The following WWOX variants were observed in gnomAD, a reference collection of about 807,000 sequenced individuals.
The protein encoded by WWOX is WW domain-containing oxidoreductase.
In WWOX, 69 loss-of-function variants were observed where a neutral mutation model predicts 46.2. The ratio of observed to expected loss-of-function variants is 1.49; its 90% confidence interval spans 1.23 to 1.82. The LOEUF (loss-of-function observed/expected upper bound fraction) is 1.82, where lower values mean the gene tolerates loss of function less well. WWOX is among the 40% of genes most tolerant of loss of function. WWOX has a pLI of 0.00. For missense variants in WWOX, 919 were observed against 542.6 expected (o/e 1.69, Z -6.89); for synonymous variants, 359 against 202.6 (o/e 1.77, Z -6.56).
intron 8 of WWOX, among the ~76,000 whole-genome samples, chr16:79,000,136 C>G (rs997296699): frequency 6.6e-6 from 1 of 152,170 alleles, no homozygotes; most frequent in Non-Finnish European, 1.5e-5. Flanking sequence ...GCTCCTTTGT[C>G]CAGACACATT....
chr16:78,308,187 C>G (rs1024280878), intron 5 of WWOX, among the ~76,000 whole-genome samples: 4 of 152,160 alleles, frequency 2.6e-5, no homozygotes, highest in Non-Finnish European at 5.9e-5. Context: ...CAGCACCATG[C>G]CACACAGCCA....
intron 8 of WWOX, among the ~76,000 whole-genome samples, chr16:78,436,126 C>T (rs546898520): frequency 6.6e-6 from 1 of 152,284 alleles, no homozygotes; most frequent in African/African-American, 2.4e-5. Flanking sequence ...GTATGCAGTA[C>T]TTCCTGCCAC....
At chr16:78,858,144 T>TTTG (rs2052610811) in intron 8 of WWOX, among the ~76,000 whole-genome samples, 5 of 148,540 alleles carry the variant, frequency 3.4e-5, no homozygotes, top group Non-Finnish European at 5.9e-5. Flanking sequence ...CATTGTGTGT[T>TTTG]TGTGTGTGTG....
rs985214173 is a variant in WWOX at position 78,158,722 on chromosome 16, C to G, written c.410-5461C>G. 2.6e-5 allele frequency among the ~76,000 whole-genome samples: 4 copies of G among 152,000 alleles called. No homozygotes were observed. In the South Asian group the frequency reaches 6.2e-4, roughly 24 times the overall value. On this transcript the variant is annotated intron_variant, in intron 4 of 8. Transcript: ENST00000566780. ...TTTCTTTATTTTTCATTTTTAAAAA[C>G]AACTTTATTGAGGTATGATTGATGT...
chr16:78,618,283 G>A (rs1041425283), intron 8 of WWOX, among the ~76,000 whole-genome samples: 1 of 152,168 alleles, frequency 6.6e-6, no homozygotes, highest in African/African-American at 2.4e-5. Context: ...ATTTTGCTTG[G>A]GCTGCTGTAG....
chr16:79,162,118 T>G (rs1341912043), intron 8 of WWOX, among the ~76,000 whole-genome samples: 3 of 152,190 alleles, frequency 2.0e-5, no homozygotes, highest in Admixed American at 2.0e-4. Flanking sequence ...TTTTACTGAG[T>G]GTTCCTACCT....
chr16:79,155,734 G>C (rs2050368669), intron 8 of WWOX, among the ~76,000 whole-genome samples: 1 of 152,158 alleles, frequency 6.6e-6, no homozygotes, highest in African/African-American at 2.4e-5. Context: ...GCTCCTAACA[G>C]GCTGATAATC....
intron 7 of WWOX, among the ~76,000 whole-genome samples, chr16:78,425,497 G>A (rs755845964): frequency 6.6e-6 from 1 of 152,204 alleles, no homozygotes; most frequent in African/African-American, 2.4e-5. Context: ...GACATTAGCT[G>A]TGTAATTGTG....
chr16:78,347,449 A>T (rs1567515421), intron 5 of WWOX, among the ~76,000 whole-genome samples: 1 of 117,828 alleles, frequency 8.5e-6, no homozygotes, highest in Non-Finnish European at 2.0e-5. Flanking sequence ...GACAGCTCAT[A>T]AAGTCACGCT....
intron 8 of WWOX, among the ~76,000 whole-genome samples, chr16:79,197,534 G>A (rs12449105): frequency 0.11 from 16,244 of 151,826 alleles, 1,056 homozygotes; most frequent in African/African-American, 0.18. Flanking sequence ...CCTGCTTTTT[G>A]TAGACATGTC....
chr16:79,170,831 T>C (rs189437960), intron 8 of WWOX, among the ~76,000 whole-genome samples: 17 of 152,316 alleles, frequency 1.1e-4, no homozygotes, highest in Non-Finnish European at 1.8e-4. Flanking sequence ...ATGAGGTCTT[T>C]CCAGGTTTGA....
intron 8 of WWOX, among the ~76,000 whole-genome samples, chr16:79,072,710 C>G (rs541271293): frequency 1.3e-5 from 2 of 152,220 alleles, no homozygotes; most frequent in Non-Finnish European, 2.9e-5. Context: ...ATCATCAGGG[C>G]CACAACAGCC....
chr16:78,281,956 C>T (rs981789087), intron 5 of WWOX, among the ~76,000 whole-genome samples: 5 of 152,288 alleles, frequency 3.3e-5, no homozygotes, highest in Non-Finnish European at 5.9e-5. Context: ...ATGGGGCTGC[C>T]ACTGGCAGAC....
intron 8 of WWOX, among the ~76,000 whole-genome samples, chr16:78,463,457 G>A (rs1705960170): frequency 6.6e-6 from 1 of 152,164 alleles, no homozygotes. Flanking sequence ...ATTCACAGAA[G>A]CAGCAGCTAT....
chr16:78,838,521 G>A (rs2052051866), intron 8 of WWOX, among the ~76,000 whole-genome samples: 1 of 152,170 alleles, frequency 6.6e-6, no homozygotes, highest in African/African-American at 2.4e-5. Flanking sequence ...TTTACATAAT[G>A]TTCTTGAAAT....
At chr16:79,080,411 A>G (rs138294900) in intron 8 of WWOX, among the ~76,000 whole-genome samples, 6 of 152,228 alleles carry the variant, frequency 3.9e-5, no homozygotes, top group Non-Finnish European at 7.4e-5. Flanking sequence ...CCTAGAACCA[A>G]ATTGCCTAAC....
At chr16:79,030,935 A>G (rs956188656) in intron 8 of WWOX, among the ~76,000 whole-genome samples, 9 of 151,982 alleles carry the variant, frequency 5.9e-5, no homozygotes, top group Non-Finnish European at 1.3e-4. Flanking sequence ...AGTAAAAAAT[A>G]AAATAAATTG....
At chr16:78,830,533 C>A (rs558094661) in intron 8 of WWOX, among the ~76,000 whole-genome samples, 2 of 152,130 alleles carry the variant, frequency 1.3e-5, no homozygotes, top group African/African-American at 4.8e-5. Context: ...GGGAAGCCTC[C>A]TTCCTCCCAG....
At chr16:79,135,877 C>A (rs1019375598) in intron 8 of WWOX, among the ~76,000 whole-genome samples, 1 of 152,114 alleles carries the variant, frequency 6.6e-6, no homozygotes, top group African/African-American at 2.4e-5. Context: ...AACTGCCTTT[C>A]CATATTCTCG....
Sources: gnomAD v4.1 joint callset for allele counts (sites outside exome capture counted in the v4.1 genomes callset) on GRCh38, gnomAD v4.1.1 for gene constraint, MANE v1.5 for transcripts, NCBI Gene and HGNC (gene_info 2026-07-23, HGNC 2026-07-21) for gene names.